Variants in TM4SF5 observed in about 807,000 individuals in gnomAD.
TM4SF5 encodes transmembrane 4 L six family member 5.
In TM4SF5, 16 loss-of-function variants were observed where a neutral mutation model predicts 22.3. That is an observed-to-expected ratio of 0.72 (90% confidence interval 0.49 to 1.09). TM4SF5 has a LOEUF of 1.09. Ranked by LOEUF, TM4SF5 falls within the 50% of genes least tolerant of loss-of-function variation. The pLI is 0.00. For synonymous variants in TM4SF5, 113 were observed against 109.6 expected, an observed-to-expected ratio of 1.03 and a Z score of -0.19; for missense variants, 249 against 266.1, an observed-to-expected ratio of 0.94 and a Z score of 0.45.
At chr17:4,778,534 G>A (rs1917245942) in intron 1 of TM4SF5, among the ~76,000 whole-genome samples, 1 of 152,148 alleles carries the variant, frequency 6.6e-6, no homozygotes, top group African/African-American at 2.4e-5. Context: ...TTGAGCCCAG[G>A]AGGTTGAGGA....
At chr17:4,781,004 T>C in intron 2 of TM4SF5, 135 bp downstream of exon 2, 1 of 704,614 alleles carries the variant, frequency 1.4e-6, no homozygotes, top group South Asian at 1.9e-5. Context: ...CATGGCAAGA[T>C]CCCTATCTCT....
rs149189880 is a variant in TM4SF5 at position 4,780,795 on chromosome 17, T to G, written c.184T>G (p.Cys62Gly). 1 of 1,610,314 alleles carries G rather than the reference T, an allele frequency of 6.2e-7. No individual in the cohort carries two copies. The highest frequency in any genetic ancestry group is 1.3e-5 in the African/African-American group (1 of 74,894). Reference sequence around the variant, plus strand: ...AATGACTCTTGTCCCACAGGTACTGTGTCCGGGGATTGCAGCCGTTCGGGC... The same window carrying G: ...AATGACTCTTGTCCCACAGGTACTGGGTCCGGGGATTGCAGCCGTTCGGGC... ...GFIGGGLMVLCPGIAAVRAGG... is the reference protein window; with the variant it reads ...GFIGGGLMVLGPGIAAVRAGG... The change falls in exon 2 of 5, where the codon TGT becomes GGT. Residue 62 changes from cysteine to glycine, a missense_variant. Coordinates refer to ENST00000270560, the MANE Select transcript of TM4SF5 (RefSeq NM_003963.3).
chr17:4,772,218 T>G, intron 1 of TM4SF5, 119 bp downstream of exon 1: 1 of 1,273,724 alleles, frequency 7.9e-7, no homozygotes, highest in Non-Finnish European at 1.1e-6. Flanking sequence ...TGGCAATGGC[T>G]TCGTGGGGGC....
rs757152767 is a variant in TM4SF5 at position 4,783,000 on chromosome 17, C to G, written c.542C>G (p.Thr181Ser). 1 of 1,614,178 alleles carries G rather than the reference C, an allele frequency of 6.2e-7. No individual in the cohort carries two copies. Residue 181 changes from threonine to serine, a missense_variant, in exon 4 of 5, where the codon ACC becomes AGC. Coordinates refer to ENST00000270560, the MANE Select transcript of TM4SF5 (RefSeq NM_003963.3). ...VLCGIQLVNA[T>S]IGVFCGDCRK... ...TGTGGGATCCAGCTGGTGAACGCGA[C>G]CATTGGTGTCTTCTGCGGCGATTGC... is the stretch of plus-strand genomic sequence containing the variant.
intron 4 of TM4SF5, 38 bp downstream of exon 4, chr17:4,783,075 C>A (rs765761017): frequency 2.9e-5 from 47 of 1,614,046 alleles, no homozygotes; most frequent in Non-Finnish European, 3.8e-5. Context: ...AGGGAACCTG[C>A]CTGGTCCTGG....
In TM4SF5 at chr17:4,782,851, C is replaced by CA. The variant is rs1366500650; in HGVS notation, c.396-2dup. 1.9e-6 allele frequency: 3 copies of CA among 1,610,784 alleles called. No individual in the cohort carries two copies. The highest frequency in any genetic ancestry group is 2.5e-6 in the Non-Finnish European group (3 of 1,178,154). ...CTCCCACGTGGCCTCACCCCTCCCA[C>CA]AGGGGAGCTTACTTGCTCAACCGCA... On this transcript the variant is annotated splice_region_variant and splice_polypyrimidine_tract_variant and intron_variant, in intron 3 of 4. Transcript: ENST00000270560.
chr17:4,774,365 G>T (rs1660297800), intron 1 of TM4SF5, among the ~76,000 whole-genome samples: 1 of 152,132 alleles, frequency 6.6e-6, no homozygotes, highest in South Asian at 2.1e-4. Context: ...TGCCTGCTTT[G>T]TTGGCCACTA....
chr17:4,780,643 G>T (rs1567708331), intron 1 of TM4SF5, 146 bp from the exon 2 acceptor site: 6 of 560,390 alleles, frequency 1.1e-5, no homozygotes, highest in Middle Eastern at 2.7e-4. Flanking sequence ...AAGCCCAGCA[G>T]CTCCAGGAGA....
At chr17:4,777,945 C>G (rs954207299) in intron 1 of TM4SF5, among the ~76,000 whole-genome samples, 1 of 152,046 alleles carries the variant, frequency 6.6e-6, no homozygotes, top group African/African-American at 2.4e-5. Flanking sequence ...TACTCTAATG[C>G]TAAGGTGAGA....
intron 1 of TM4SF5, among the ~76,000 whole-genome samples, chr17:4,772,545 C>T (rs998049357): frequency 1.1e-4 from 17 of 152,132 alleles, no homozygotes; most frequent in African/African-American, 1.4e-4. Context: ...CTTGCCTCCA[C>T]GTCCATTCAC....
In TM4SF5 at chr17:4,782,868, T is replaced by G; in HGVS notation, c.410T>G (p.Leu137Arg). The part of the protein sequence containing the change: ...HFEDTAGAYL[L>R]NRTLWDRCEA... ...CCCTCCCACAGGGGAGCTTACTTGC[T>G]CAACCGCACTCTATGGGATCGGTGC... The change falls in exon 4 of 5, where the codon CTC (leucine) becomes CGC (arginine). Residue 137 changes from leucine to arginine, a missense_variant. Physicochemically the swap from Leu to Arg is moderately radical, Grantham distance 102 (BLOSUM62 -2). Coordinates refer to ENST00000270560, the MANE Select transcript of TM4SF5 (RefSeq NM_003963.3). The G allele has an allele frequency of 6.2e-7, 1 of 1,613,110 alleles. No individual in the cohort carries two copies. The highest frequency in any genetic ancestry group is 8.5e-7 in the Non-Finnish European group (1 of 1,179,470).
intron 1 of TM4SF5, among the ~76,000 whole-genome samples, chr17:4,778,721 C>T (rs1886391952): frequency 1.3e-5 from 2 of 152,018 alleles, no homozygotes; most frequent in Admixed American, 1.3e-4. Context: ...GTAACGGAGC[C>T]AGATGAGGAG....
chr17:4,782,688 C>T, intron 3 of TM4SF5, 49 bp downstream of exon 3: 1 of 1,606,952 alleles, frequency 6.2e-7, no homozygotes, highest in East Asian at 2.2e-5. Flanking sequence ...CTCTTCCCTC[C>T]CGCCCTTCCC....
intron 1 of TM4SF5, among the ~76,000 whole-genome samples, chr17:4,777,129 A>T (rs778483112): frequency 6.6e-6 from 1 of 151,432 alleles, no homozygotes; most frequent in Non-Finnish European, 1.5e-5. Flanking sequence ...CCCAGCAGAC[A>T]GAGGTTACAG....
Position 4,777,540 on chromosome 17 carries a change from A to T in TM4SF5, c.178-3249A>T, listed in dbSNP as rs549994392. On this transcript the variant is annotated intron_variant, in intron 1 of 4. Transcript: ENST00000270560. ...AGAATCGCTTGAGTCCCAGCATTCAAGACCAGCCTGGGCAACATAGTGAGA... is the reference window on the plus strand; with the variant it reads ...AGAATCGCTTGAGTCCCAGCATTCATGACCAGCCTGGGCAACATAGTGAGA... Among the ~76,000 whole-genome samples the T allele has an allele frequency of 2.0e-5, 3 of 152,298 alleles. No individual in the cohort carries two copies. The East Asian group carries it at 5.8e-4, about 29-fold the overall frequency.
intron 2 of TM4SF5, among the ~76,000 whole-genome samples, chr17:4,781,884 G>A (rs951140027): frequency 1.3e-5 from 2 of 152,002 alleles, no homozygotes; most frequent in South Asian, 2.1e-4. Context: ...GAAAGCCAGC[G>A]GCCGCCGAGA....
intron 1 of TM4SF5, among the ~76,000 whole-genome samples, chr17:4,780,145 T>C (rs762295573): frequency 7.0e-6 from 1 of 143,610 alleles, no homozygotes; most frequent in African/African-American, 2.6e-5. Context: ...AACCTCCACC[T>C]CCCAGGTTCA....
chr17:4,780,194 T>C (rs1385018371), intron 1 of TM4SF5, among the ~76,000 whole-genome samples: 1 of 151,978 alleles, frequency 6.6e-6, no homozygotes, highest in Non-Finnish European at 1.5e-5. Context: ...TAGCTGAGAT[T>C]ATAGGCATGC....
At chr17:4,772,324 A>G (rs1204865297) in intron 1 of TM4SF5, among the ~76,000 whole-genome samples, 1 of 152,070 alleles carries the variant, frequency 6.6e-6, no homozygotes, top group Admixed American at 6.6e-5. Flanking sequence ...TGCTCTAAAG[A>G]GCTCCCCTAC....
Sources: allele counts gnomAD v4.1 joint callset (sites outside exome capture counted in the v4.1 genomes callset), GRCh38; gene constraint gnomAD v4.1.1; transcripts MANE v1.5; gene names NCBI Gene and HGNC (gene_info 2026-07-23, HGNC 2026-07-21).